The following ZCCHC9 variants were observed in gnomAD, a reference collection of about 807,000 sequenced individuals.
The protein encoded by ZCCHC9 is zinc finger CCHC domain-containing protein 9.
ZCCHC9 carries 18 observed loss-of-function variants against 30.8 expected under a neutral mutation model. That is an observed-to-expected ratio of 0.58 (90% CI 0.40 to 0.87). ZCCHC9 has a LOEUF of 0.87. Ranked by LOEUF, ZCCHC9 falls within the 40% of genes least tolerant of loss-of-function variation. The pLI, the probability that ZCCHC9 is intolerant of heterozygous loss-of-function variation, is 0.00. For synonymous variants in ZCCHC9, 94 were observed against 106.7 expected, an observed-to-expected ratio of 0.88 and a Z score of 0.73; for missense variants, 279 against 331.2, an observed-to-expected ratio of 0.84 and a Z score of 1.22.
chr5:81,310,519 T>G (rs1336440249), intron 4 of ZCCHC9, among the ~76,000 whole-genome samples: 1 of 152,092 alleles, frequency 6.6e-6, no homozygotes. Flanking sequence ...TCTGATTAGG[T>G]CATTTTTCTA....
chr5:81,312,484 C>CT (rs1758319762), intron 5 of ZCCHC9, 60 bp from the exon 6 acceptor site: 19 of 1,316,032 alleles, frequency 1.4e-5, no homozygotes, highest in Non-Finnish European at 1.9e-5. Flanking sequence ...CAATAACAAT[C>CT]TGAGTGGATG....
rs762931136 is a variant in ZCCHC9 at position 81,308,672 on chromosome 5, G to C, written c.496G>C (p.Glu166Gln). 73 of 1,613,196 alleles carry C rather than the reference G, an allele frequency of 4.5e-5. No homozygotes were observed. The highest frequency in any genetic ancestry group is 6.0e-5 in the Non-Finnish European group (71 of 1,179,714). Residue 166 changes from glutamate (E) to glutamine (Q), a missense_variant, in exon 3 of 6, where the codon GAA becomes CAA. By Grantham distance (29) the Glu-to-Gln change is conservative (BLOSUM62 2). Coordinates refer to ENST00000407610, the MANE Select transcript of ZCCHC9 (RefSeq NM_001131035.2). ...ICYRCGSTEH[E>Q]ITKCKAKVDP... Reference sequence around the variant, plus strand: ...TTACAGGTGTGGGTCCACAGAGCACGAAATAACCAAGTGTAAGGCTAAAGT... The same window carrying C: ...TTACAGGTGTGGGTCCACAGAGCACCAAATAACCAAGTGTAAGGCTAAAGT...
At position 81,308,685 on chromosome 5, in the gene ZCCHC9, G is replaced by GT; in HGVS notation, c.510dup (p.Lys171Ter). The GT allele has an allele frequency of 1.2e-6, 2 of 1,612,610 alleles. No individual in the cohort carries two copies. Among genetic ancestry groups the GT allele is most frequent in the Non-Finnish European group, 1.7e-6 (2 of 1,179,430 alleles). On this transcript the variant is annotated frameshift_variant, in exon 3 of 6. Coordinates refer to ENST00000407610, the MANE Select transcript of ZCCHC9 (RefSeq NM_001131035.2). LOFTEE classifies it high-confidence loss of function. Reference sequence around the variant, plus strand: ...TCCACAGAGCACGAAATAACCAAGTGTAAGGCTAAAGTAGACCCGGCTCTT... The same window carrying GT: ...TCCACAGAGCACGAAATAACCAAGTGTTAAGGCTAAAGTAGACCCGGCTCTT...
chr5:81,308,285 C>G, intron 2 of ZCCHC9: 1 of 281,782 alleles, frequency 3.5e-6, no homozygotes, highest in East Asian at 7.1e-5. Flanking sequence ...TTGCTCAATT[C>G]ATTTAAGCAA....
Position 81,305,082 on chromosome 5 carries a change from A to G in ZCCHC9, c.325A>G (p.Lys109Glu). The G allele has an allele frequency of 1.2e-6, 2 of 1,609,486 alleles. No homozygotes were observed. Among genetic ancestry groups the G allele is most frequent in the Non-Finnish European group, 1.7e-6 (2 of 1,178,980 alleles). ...GGAAGAAATTGCAGTTGCTTTAAAG[A>G]AAGACAGTCGACGGGAAGGAAGAAG... is the stretch of plus-strand genomic sequence containing the variant. ...VREEIAVALKKDSRREGRRLK... is the reference protein window; with the variant it reads ...VREEIAVALKEDSRREGRRLK... Residue 109 changes from lysine to glutamate, a missense_variant, in exon 2 of 6, where the codon AAA becomes GAA. Lys to Glu is a moderately conservative substitution (Grantham distance 56). Transcript: ENST00000407610.
chr5:81,308,466 G>A, intron 2 of ZCCHC9, 95 bp from the exon 3 acceptor site: 1 of 1,376,752 alleles, frequency 7.3e-7, no homozygotes, highest in Non-Finnish European at 9.6e-7. Context: ...AGCTTAATAA[G>A]ATGAGAAATG....
chr5:81,309,511 C>T (rs1252297597), intron 4 of ZCCHC9, among the ~76,000 whole-genome samples: 1 of 152,134 alleles, frequency 6.6e-6, no homozygotes, highest in Non-Finnish European at 1.5e-5. Flanking sequence ...TTCTCTTTAA[C>T]TCGGGTAATT....
intron 2 of ZCCHC9, 99 bp from the exon 3 acceptor site, chr5:81,308,462 A>G (rs983145552): frequency 2.2e-6 from 3 of 1,364,810 alleles, no homozygotes; most frequent in Admixed American, 2.8e-5. Context: ...AAATAGCTTA[A>G]TAAGATGAGA....
At chr5:81,310,540 C>T (rs1450695844) in intron 4 of ZCCHC9, among the ~76,000 whole-genome samples, 3 of 151,870 alleles carry the variant, frequency 2.0e-5, no homozygotes, top group African/African-American at 7.3e-5. Flanking sequence ...AGTCACTTAA[C>T]ATTTCGAGCA....
At position 81,312,746 on chromosome 5, in the gene ZCCHC9, T is replaced by C; in HGVS notation, c.*84T>C. On this transcript the variant is annotated 3_prime_UTR_variant, in exon 6 of 6. Transcript: ENST00000407610. ...TTCACGAGTTAGAGTTGAGCTCCCC[T>C]GTAGCCAGGACTATGCTGTAGATAT... The C allele has an allele frequency of 1.0e-6, 1 of 990,440 alleles. No individual in the cohort carries two copies. Among genetic ancestry groups the C allele is most frequent in the South Asian group, 1.4e-5 (1 of 69,824 alleles). 61.4% of individuals were successfully genotyped at this position (990,440 alleles called of 1,614,324 possible). A position where few individuals can be genotyped will look rare whatever the true frequency, so the allele number is the denominator to read the frequency against.
At chr5:81,303,757 C>G (rs1293218053) in intron 1 of ZCCHC9, 1 of 152,180 alleles carries the variant, frequency 6.6e-6, no homozygotes, top group Non-Finnish European at 1.5e-5. Flanking sequence ...GCTACAAAGT[C>G]AATAGGAATT....
rs146285869 is a variant in ZCCHC9 at position 81,308,113 on chromosome 5, T to C, written c.385-448T>C. Among the ~76,000 whole-genome samples, 249 of 151,848 alleles carry C rather than the reference T, an allele frequency of 1.6e-3. 1 individual carries two copies. Among genetic ancestry groups the C allele is most frequent in the African/African-American group, 5.6e-3 (231 of 41,434 alleles). ...TGTCTGACCCAAATTCATTCAATTA[T>C]GTGAACTTTAAAAGAAATATTAATT... On this transcript the variant is annotated intron_variant, in intron 2 of 5. Transcript: ENST00000407610.
In ZCCHC9 at chr5:81,307,543, C is replaced by T. The variant is rs575514791; in HGVS notation, c.385-1018C>T. On this transcript the variant is annotated intron_variant, in intron 2 of 5. Coordinates refer to ENST00000407610, the MANE Select transcript of ZCCHC9 (RefSeq NM_001131035.2). ...TGGTGCGTGCTTGTAATCCCAGCTA[C>T]TTGGGAGGCTGAGGCAGGAGAATCA... 6.3e-4 allele frequency among the ~76,000 whole-genome samples: 96 copies of T among 151,926 alleles called. 1 individual carries two copies. The highest frequency in any genetic ancestry group is 2.3e-3 in the African/African-American group (96 of 41,398).
At chr5:81,305,761 C>CA (rs1178539765) in intron 2 of ZCCHC9, among the ~76,000 whole-genome samples, 1 of 152,008 alleles carries the variant, frequency 6.6e-6, no homozygotes, top group Non-Finnish European at 1.5e-5. Flanking sequence ...GTTCGTCCTC[C>CA]AAAAAAACCA....
intron 1 of ZCCHC9, chr5:81,303,760 T>C (rs1758022637): frequency 6.6e-6 from 1 of 152,326 alleles, no homozygotes; most frequent in African/African-American, 2.4e-5. Context: ...ACAAAGTCAA[T>C]AGGAATTTTT....
chr5:81,305,216 C>T (rs748861239), intron 2 of ZCCHC9, 75 bp downstream of exon 2: 12 of 1,503,856 alleles, frequency 8.0e-6, no homozygotes, highest in Non-Finnish European at 1.1e-5. Flanking sequence ...CACATATATA[C>T]CTTAGCCAGC....
chr5:81,308,998 T>C lies in ZCCHC9; in HGVS notation c.588T>C (p.Ser196=). ...TTTGTGGAGAAATGGGGCACCTGTC[T>C]AGATCTTGTCCTGATAATCCCAAAG... is the stretch of plus-strand genomic sequence containing the variant. ...CFVCGEMGHL[S]RSCPDNPKGL... Residue 196 remains serine (S), a synonymous_variant, in exon 4 of 6, where the codon TCT becomes TCC. Coordinates refer to ENST00000407610, the MANE Select transcript of ZCCHC9 (RefSeq NM_001131035.2). The C allele has an allele frequency of 6.2e-7, 1 of 1,613,354 alleles. No homozygotes were observed. The highest frequency in any genetic ancestry group is 1.1e-5 in the South Asian group (1 of 90,840).
intron 4 of ZCCHC9, among the ~76,000 whole-genome samples, chr5:81,310,888 T>C (rs1381804585): frequency 6.6e-6 from 1 of 152,210 alleles, no homozygotes; most frequent in Admixed American, 6.5e-5. Context: ...GTTCACAGAC[T>C]CTTGATTGTC....
intron 4 of ZCCHC9, 145 bp downstream of exon 4, chr5:81,309,183 TA>T: frequency 1.7e-6 from 1 of 598,748 alleles, no homozygotes; most frequent in Non-Finnish European, 2.8e-6. Flanking sequence ...AGTGCTATCA[TA>T]TGTACTAGGC....
Sources: allele counts gnomAD v4.1 joint callset (sites outside exome capture counted in the v4.1 genomes callset), GRCh38; gene constraint gnomAD v4.1.1; transcripts MANE v1.5; gene names NCBI Gene and HGNC (gene_info 2026-07-23, HGNC 2026-07-21).